The following GYG2 variants were observed in gnomAD, a reference collection of about 807,000 sequenced individuals.
GYG2 encodes the protein glycogenin-2.
Under a neutral mutation model 29.4 loss-of-function variants are expected in GYG2, and 29 were observed. That is an observed-to-expected ratio of 0.99 (90% CI 0.74 to 1.35). GYG2 has a LOEUF of 1.35. GYG2 is among the 40% of genes most tolerant of loss of function. The pLI is 0.00. For missense variants in GYG2, 370 were observed against 385.7 expected, an observed-to-expected ratio of 0.96 and a Z score of 0.34; for synonymous variants, 167 against 172.3, an observed-to-expected ratio of 0.97 and a Z score of 0.24.
chrX:2,870,454 G>C (rs5982602), intron 8 of GYG2, among the ~76,000 whole-genome samples: 26,996 of 109,832 alleles, frequency 0.25, 2,842 homozygotes, highest in South Asian at 0.44. Flanking sequence ...CCACCTGCCT[G>C]AGCCTCCCAA....
In GYG2 at chrX:2,838,029, CA is replaced by C. The variant is rs61022116; in HGVS notation, c.8-5171del. Among the ~76,000 whole-genome samples the C allele has an allele frequency of 2.1e-3, 213 of 99,415 alleles. 1 individual carries two copies. Among genetic ancestry groups the C allele is most frequent in the South Asian group, 0.015 (33 of 2,136 alleles). The allele number at this position is 99,415 out of a possible 115,157, so 86.3% of individuals were successfully genotyped here. A position where few individuals can be genotyped will look rare whatever the true frequency, so the allele number is the denominator to read the frequency against. On this transcript the variant is annotated intron_variant, in intron 2 of 10. Coordinates refer to ENST00000398806, the MANE Select transcript of GYG2 (RefSeq NM_001079855.2). ...AGTAGCTGGGACTACAGGCATGTGC[CA>C]AAAAAAAAAAAATTAAATTAAATGA...
intron 6 of GYG2, among the ~76,000 whole-genome samples, chrX:2,856,831 A>G (rs2088013885): frequency 9.3e-6 from 1 of 107,019 alleles, no homozygotes; most frequent in East Asian, 2.9e-4. Flanking sequence ...ATCTAGGTAG[A>G]TCTAAATATC....
chrX:2,852,682 A>T (rs147183533), intron 3 of GYG2: 3 of 112,093 alleles, frequency 2.7e-5, no homozygotes, highest in African/African-American at 9.7e-5. Flanking sequence ...TACAGAGGGA[A>T]ACTGTCTTCC....
intron 7 of GYG2, among the ~76,000 whole-genome samples, chrX:2,861,305 T>C (rs1273147889): frequency 9.0e-6 from 1 of 111,653 alleles, no homozygotes; most frequent in East Asian, 2.8e-4. Context: ...ACTGGATTAC[T>C]AAGTACTGGA....
At chrX:2,877,361 G>A (rs2088626743) in intron 10 of GYG2, 54 bp downstream of exon 10, 15 of 1,188,480 alleles carry the variant, frequency 1.3e-5, no homozygotes, top group South Asian at 7.4e-5. Context: ...GCCATCCACC[G>A]TCACTGAGGT....
chrX:2,875,730 G>A, intron 8 of GYG2, 80 bp from the exon 9 acceptor site: 2 of 632,206 alleles, frequency 3.2e-6, no homozygotes, highest in Non-Finnish European at 5.1e-6. Context: ...AGAAAAAAAT[G>A]GAGTGGGTAT....
chrX:2,841,907 G>A (rs753508043), intron 2 of GYG2, among the ~76,000 whole-genome samples: 10 of 112,138 alleles, frequency 8.9e-5, no homozygotes, highest in Non-Finnish European at 1.7e-4. Context: ...GAATCAAGTG[G>A]TTTAAAAGTC....
At chrX:2,837,943 A>C (rs2087413770) in intron 2 of GYG2, among the ~76,000 whole-genome samples, 1 of 109,902 alleles carries the variant, frequency 9.1e-6, no homozygotes, top group South Asian at 4.0e-4. Flanking sequence ...CAGTGGCACA[A>C]TTATATCTCA....
Position 2,855,160 on chromosome X carries a change from G to A in GYG2, c.487+5G>A, listed in dbSNP as rs777923965. 1 of 1,205,747 alleles carries A rather than the reference G, an allele frequency of 8.3e-7. No homozygotes were observed. Among genetic ancestry groups the A allele is most frequent in the Non-Finnish European group, 1.1e-6 (1 of 891,722 alleles). ...TGGAACACGGCAGCTTTGACGGTAA[G>A]TCAGGGCAGCCCGGACGCTTAGGGT... On this transcript the variant is annotated splice_donor_5th_base_variant and intron_variant, in intron 5 of 10. Transcript: ENST00000398806.
At chrX:2,841,326 TGATA>T (rs199868734) in intron 2 of GYG2, among the ~76,000 whole-genome samples, 3,702 of 108,612 alleles carry the variant, frequency 0.034, 69 homozygotes, top group Middle Eastern at 0.078. Flanking sequence ...GATAGATAGA[TGATA>T]GATAGGTAGA....
Position 2,843,263 on chromosome X carries a change from G to A in GYG2, c.58G>A (p.Gly20Ser). ...AGCCACCAATGACATCTACTGCCAG[G>A]GCGCCCTGGTCCTGGGGCAGTCACT... ...TLATNDIYCQ[G>S]ALVLGQSLRR... is the part of the protein sequence containing the mutation. The change falls in exon 3 of 11, where the codon GGC becomes AGC. Residue 20 changes from glycine to serine, a missense_variant. By Grantham distance (56) the Gly-to-Ser change is moderately conservative. Transcript: ENST00000398806. 1.7e-6 allele frequency: 2 copies of A among 1,198,799 alleles called. No individual in the cohort carries two copies. The highest frequency in any genetic ancestry group is 2.2e-5 in the Admixed American group (1 of 45,977).
In GYG2 at chrX:2,872,682, A is replaced by T. The variant is rs751072439; in HGVS notation, c.1039-3128A>T. Among the ~76,000 whole-genome samples the T allele has an allele frequency of 2.7e-5, 3 of 112,413 alleles. No homozygotes were observed. The East Asian group carries it at 8.4e-4, about 31-fold the overall frequency. ...ATTTATGTGTTTATCGTTGGGAGAA[A>T]TTAGATGACAGAAACAGATTGACAT... is the stretch of plus-strand genomic sequence containing the variant. On this transcript the variant is annotated intron_variant, in intron 8 of 10. Transcript: ENST00000398806.
chrX:2,873,403 G>A (rs1369029890), intron 8 of GYG2, among the ~76,000 whole-genome samples: 1 of 111,896 alleles, frequency 8.9e-6, no homozygotes, highest in Non-Finnish European at 1.9e-5. Flanking sequence ...AATAAAAATT[G>A]GTGTGTATTT....
intron 6 of GYG2, among the ~76,000 whole-genome samples, chrX:2,857,360 C>G (rs2088039969): frequency 9.1e-6 from 1 of 109,391 alleles, no homozygotes; most frequent in African/African-American, 3.3e-5. Flanking sequence ...AACTAGATAT[C>G]TATGTATCTA....
At position 2,882,320 on chromosome X, in the gene GYG2, C is replaced by T. The variant is rs1469344849; in HGVS notation, c.*1107C>T. On this transcript the variant is annotated 3_prime_UTR_variant, in exon 11 of 11. Transcript: ENST00000398806. ...GAAGGTTTATTTCTCATGCACATTC[C>T]AGGGAAAAGCAGAGAGTAAATTAGA... 9.1e-6 allele frequency: 1 copy of T among 110,328 alleles called. No individual in the cohort carries two copies. Among genetic ancestry groups the T allele is most frequent in the Non-Finnish European group, 1.9e-5 (1 of 52,971 alleles). The allele number at this position is 110,328 out of a possible 1,213,427, so 9.1% of individuals were successfully genotyped here. A position where few individuals can be genotyped will look rare whatever the true frequency, so the allele number is the denominator to read the frequency against.
In GYG2 at chrX:2,854,998, G is replaced by A. The variant is rs760102722; in HGVS notation, c.330G>A (p.Leu110=). The change falls in exon 5 of 11, where the codon CTG becomes CTA. Residue 110 remains leucine (L), a synonymous_variant. Coordinates refer to ENST00000398806, the MANE Select transcript of GYG2 (RefSeq NM_001079855.2). ...CVFLDADTLV[L]SNVDELFDRG... is the part of the protein sequence containing the mutation. ...TGCGTGTTTTGCTTCACCAGGTGCT[G>A]TCCAATGTCGATGAGCTGTTTGACA... is the stretch of plus-strand genomic sequence containing the variant. 36 of 1,209,400 alleles carry A rather than the reference G, an allele frequency of 3.0e-5. No individual in the cohort carries two copies. The highest frequency in any genetic ancestry group is 3.8e-5 in the Non-Finnish European group (34 of 894,687).
At chrX:2,846,963 T>G (rs1285263991) in intron 3 of GYG2, among the ~76,000 whole-genome samples, 1 of 111,583 alleles carries the variant, frequency 9.0e-6, no homozygotes, top group Non-Finnish European at 1.9e-5. Context: ...TAGAAACCTT[T>G]TGTTTGACAA....
chrX:2,869,253 C>T (rs1480851918), intron 8 of GYG2, among the ~76,000 whole-genome samples: 1 of 112,180 alleles, frequency 8.9e-6, no homozygotes, highest in East Asian at 2.8e-4. Context: ...GGTAATTAAC[C>T]TAGAGATGAT....
intron 8 of GYG2, among the ~76,000 whole-genome samples, chrX:2,869,839 A>G (rs1318822802): frequency 1.8e-5 from 2 of 111,852 alleles, no homozygotes; most frequent in African/African-American, 6.5e-5. Flanking sequence ...GATGGGTTTC[A>G]CCATGTTTCC....
Sources: allele counts gnomAD v4.1 joint callset (sites outside exome capture counted in the v4.1 genomes callset), GRCh38; gene constraint gnomAD v4.1.1; transcripts MANE v1.5; gene names NCBI Gene and HGNC (gene_info 2026-07-23, HGNC 2026-07-21).